Variants in FRAS1 observed in about 807,000 individuals in gnomAD.
FRAS1 encodes Fraser extracellular matrix complex subunit 1, also known as extracellular matrix organizing protein FRAS1.
A neutral mutation model predicts 435.2 loss-of-function variants in FRAS1; 290 were observed. The ratio of observed to expected loss-of-function variants is 0.67; its 90% CI spans 0.61 to 0.73. The LOEUF is 0.73. Among genes scored for constraint, FRAS1 ranks in the 30% least tolerant of loss-of-function variants. The pLI is 0.00. For missense variants in FRAS1, 4,860 were observed against 5,001.5 expected, an observed-to-expected ratio of 0.97 and a Z score of 0.85; for synonymous variants, 1,800 against 1,851.0, an observed-to-expected ratio of 0.97 and a Z score of 0.71.
In FRAS1 at chr4:78,526,670, A is replaced by C; in HGVS notation, c.10925+13A>C. Reference sequence around the variant, plus strand: ...ATGCCCCAGAAAGGTAGGAAAATATAGTCAATCCTCATTATTTGTTGATTC... The same window carrying C: ...ATGCCCCAGAAAGGTAGGAAAATATCGTCAATCCTCATTATTTGTTGATTC... On this transcript the variant is annotated intron_variant, in intron 70 of 73. Coordinates refer to ENST00000512123, the MANE Select transcript of FRAS1 (RefSeq NM_025074.7). 1 of 1,446,690 alleles carries C rather than the reference A, an allele frequency of 6.9e-7. No homozygotes were observed. Among genetic ancestry groups the C allele is most frequent in the Non-Finnish European group, 9.3e-7 (1 of 1,071,504 alleles). 89.6% of individuals were successfully genotyped at this position (1,446,690 alleles called of 1,614,324 possible).
intron 2 of FRAS1, among the ~76,000 whole-genome samples, chr4:78,086,498 G>T (rs1458185772): frequency 1.3e-5 from 2 of 152,032 alleles, no homozygotes; most frequent in Non-Finnish European, 2.9e-5. Flanking sequence ...CTGATTTTTT[G>T]AAAAGATCAA....
chr4:78,470,604 T>C (rs1348355244), intron 51 of FRAS1, among the ~76,000 whole-genome samples: 1 of 152,232 alleles, frequency 6.6e-6, no homozygotes, highest in Non-Finnish European at 1.5e-5. Context: ...ATACAAATTT[T>C]AAAAATATAG....
chr4:78,103,057 T>C (rs1167833347), intron 2 of FRAS1, among the ~76,000 whole-genome samples: 1 of 152,162 alleles, frequency 6.6e-6, no homozygotes, highest in Non-Finnish European at 1.5e-5. Context: ...TTTCCCACTA[T>C]GACACAGAAA....
chr4:78,293,306 A>G (rs1379578700), intron 14 of FRAS1, among the ~76,000 whole-genome samples: 2 of 152,220 alleles, frequency 1.3e-5, no homozygotes, highest in Non-Finnish European at 2.9e-5. Context: ...GGTGCTAAGT[A>G]TATCTGTGGC....
chr4:78,518,420 G>GTATATATATATATATA (rs1282959069), intron 66 of FRAS1, among the ~76,000 whole-genome samples: 1 of 65,710 alleles, frequency 1.5e-5, no homozygotes, highest in African/African-American at 7.1e-5. Context: ...TTTTTTTGTT[G>GTATATATATATATATA]TGTATATATA....
intron 2 of FRAS1, among the ~76,000 whole-genome samples, chr4:78,089,233 A>G (rs923867524): frequency 7.0e-6 from 1 of 143,764 alleles, no homozygotes; most frequent in African/African-American, 2.6e-5. Flanking sequence ...GAACAATGAG[A>G]ACACATGGAC....
intron 2 of FRAS1, among the ~76,000 whole-genome samples, chr4:78,067,006 A>G (rs1740071245): frequency 6.6e-6 from 1 of 152,206 alleles, no homozygotes; most frequent in Non-Finnish European, 1.5e-5. Context: ...GTCATTCCAT[A>G]TCCTGCCCTG....
intron 2 of FRAS1, among the ~76,000 whole-genome samples, chr4:78,136,857 C>T (rs936305295): frequency 2.0e-5 from 3 of 152,184 alleles, no homozygotes; most frequent in African/African-American, 4.8e-5. Context: ...CTTCCCCACC[C>T]TATCAGTTTA....
Position 78,066,033 on chromosome 4 carries a change from A to G in FRAS1, c.108+17A>G. 2.5e-6 allele frequency: 4 copies of G among 1,581,178 alleles called. No individual in the cohort carries two copies. Among genetic ancestry groups the G allele is most frequent in the Non-Finnish European group, 3.5e-6 (4 of 1,151,524 alleles). Reference sequence around the variant, plus strand: ...TTGTTGGCGGTAGGTCATTCTTTACATACTTGGTTTCTGTCATTTGAATGT... The same window carrying G: ...TTGTTGGCGGTAGGTCATTCTTTACGTACTTGGTTTCTGTCATTTGAATGT... On this transcript the variant is annotated intron_variant, in intron 2 of 73. Transcript: ENST00000512123.
chr4:78,520,689 A>G (rs150343169), intron 67 of FRAS1, among the ~76,000 whole-genome samples: 119 of 152,334 alleles, frequency 7.8e-4, no homozygotes, highest in African/African-American at 2.6e-3. Flanking sequence ...ATGACAAAAA[A>G]ATCTATATGT....
chr4:78,307,810 C>G (rs540603501), intron 14 of FRAS1, among the ~76,000 whole-genome samples: 1 of 152,204 alleles, frequency 6.6e-6, no homozygotes, highest in African/African-American at 2.4e-5. Context: ...AGAAATCACC[C>G]GTCTTCTGCG....
At chr4:78,327,037 G>A (rs771338432) in intron 18 of FRAS1, among the ~76,000 whole-genome samples, 8 of 152,146 alleles carry the variant, frequency 5.3e-5, no homozygotes, top group Non-Finnish European at 5.9e-5. Context: ...GATTGGGGAT[G>A]TTGAATCATG....
At chr4:78,092,319 A>C (rs1741570987) in intron 2 of FRAS1, among the ~76,000 whole-genome samples, 1 of 152,144 alleles carries the variant, frequency 6.6e-6, no homozygotes, top group South Asian at 2.1e-4. Flanking sequence ...GCTGCTGATA[A>C]AGACATACCC....
At chr4:78,156,983 G>C (rs1720916349) in intron 2 of FRAS1, among the ~76,000 whole-genome samples, 1 of 152,174 alleles carries the variant, frequency 6.6e-6, no homozygotes, top group Admixed American at 6.5e-5. Context: ...TCCCCTTCTA[G>C]GTCGCCTTTG....
intron 15 of FRAS1, among the ~76,000 whole-genome samples, chr4:78,315,141 T>C (rs1452909962): frequency 2.6e-5 from 4 of 152,196 alleles, no homozygotes; most frequent in Non-Finnish European, 5.9e-5. Context: ...ATGACCTTGC[T>C]TAGTAGAATC....
intron 18 of FRAS1, among the ~76,000 whole-genome samples, chr4:78,320,193 G>A (rs956859031): frequency 6.6e-6 from 1 of 152,170 alleles, no homozygotes; most frequent in African/African-American, 2.4e-5. Flanking sequence ...AGACATCCTG[G>A]TTTCTACCCA....
intron 16 of FRAS1, among the ~76,000 whole-genome samples, chr4:78,316,915 A>G (rs1729280839): frequency 6.6e-6 from 1 of 152,132 alleles, no homozygotes; most frequent in African/African-American, 2.4e-5. Flanking sequence ...ACTCTGACCC[A>G]TGGCCTTTCC....
intron 2 of FRAS1, among the ~76,000 whole-genome samples, chr4:78,105,086 A>T (rs1742327052): frequency 6.6e-6 from 1 of 151,826 alleles, no homozygotes; most frequent in African/African-American, 2.4e-5. Flanking sequence ...TGTTCTCCCA[A>T]TTTCTCCTCC....
intron 2 of FRAS1, among the ~76,000 whole-genome samples, chr4:78,123,666 G>A (rs536322254): frequency 3.2e-4 from 49 of 152,292 alleles, no homozygotes; most frequent in African/African-American, 1.1e-3. Flanking sequence ...GCAGTGGTTT[G>A]TAGTTCTCCT....
Sources: gnomAD v4.1 joint callset for allele counts (sites outside exome capture counted in the v4.1 genomes callset) on GRCh38, gnomAD v4.1.1 for gene constraint, MANE v1.5 for transcripts, NCBI Gene and HGNC (gene_info 2026-07-23, HGNC 2026-07-21) for gene names.